The following GREP1 variants were observed in gnomAD, a reference collection of about 807,000 sequenced individuals.
GREP1 encodes the protein glycine rich extracellular protein 1, also known as glycine-rich extracellular protein 1.
intron 10 of GREP1, chr16:2,993,254 T>G: frequency 4.1e-6 from 1 of 243,996 alleles, no homozygotes; most frequent in African/African-American, 2.2e-5. Flanking sequence ...TCCCCTTCTC[T>G]TCCCAGGCCT....
At chr16:2,988,516 T>C in intron 1 of GREP1, 74 bp from the exon 2 acceptor site, 1 of 399,218 alleles carries the variant, frequency 2.5e-6, no homozygotes, top group Non-Finnish European at 4.4e-6. Flanking sequence ...GGCTGGAGGA[T>C]AGATGCCTGG....
intron 22 of GREP1, 145 bp from the exon 21 acceptor site, chr16:2,997,658 C>G (rs2072433351): frequency 2.5e-6 from 1 of 397,850 alleles, no homozygotes; most frequent in African/African-American, 2.1e-5. Context: ...CCCATGCCGC[C>G]CCCACAGACC....
exon 27 of GREP1, chr16:2,999,290 T>C: frequency 2.5e-6 from 1 of 398,650 alleles, no homozygotes; most frequent in South Asian, 1.3e-4. Flanking sequence ...GACTGAAACC[T>C]CAGAAAGCAG....
rs1360191483 is a variant in GREP1, at chr16:2,991,943, G to C, written c.322+842G>C. On this transcript the variant is annotated intron_variant, in intron 8 of 34. Transcript: ENST00000573315. This position sits in a 1 kb window ranked among gnomAD's most constrained non-coding sequence, Gnocchi z 4.9. ...CCTGGGCTTGGGTCTGGGGGCTCCA[G>C]GGAGCTGCAGCCTCCTTTACCTGGT... The C allele has an allele frequency of 6.6e-6, 1 of 152,492 alleles. No individual in the cohort carries two copies. The highest frequency in any genetic ancestry group is 2.1e-4 in the South Asian group (1 of 4,844). The allele number at this position is 152,492 out of a possible 1,614,324, so 9.4% of individuals were successfully genotyped here.
At chr16:2,988,325 T>C in exon 1 of GREP1, 2 of 399,312 alleles carry the variant, frequency 5.0e-6, no homozygotes, top group Non-Finnish European at 8.8e-6. Flanking sequence ...CTGCCTGACT[T>C]CCGAGAGCCT....
At chr16:2,999,506 A>G (rs1487966201) in intron 27 of GREP1, among the ~76,000 whole-genome samples, 5 of 80,762 alleles carry the variant, frequency 6.2e-5, no homozygotes, top group Admixed American at 1.7e-4. Context: ...TTTTTTTTTG[A>G]GACAGTCTCG....
At chr16:2,999,909 G>C (rs777946223) in exon 28 of GREP1, 22 of 399,124 alleles carry the variant, frequency 5.5e-5, no homozygotes, top group Middle Eastern at 6.3e-4. Context: ...CAGGGCACCA[G>C]CCTCCAAATG....
rs557078565 is a variant in GREP1 at position 3,000,952 on chromosome 16, T to C, written c.1531+125T>C. The C allele has an allele frequency of 4.1e-4, 164 of 395,504 alleles. 2 individuals carry two copies. Among genetic ancestry groups the C allele is most frequent in the Admixed American group, 5.8e-4 (13 of 22,518 alleles). The allele number at this position is 395,504 out of a possible 1,614,324, so 24.5% of individuals were successfully genotyped here. On this transcript the variant is annotated intron_variant, in intron 33 of 34. Coordinates refer to ENST00000573315, the Ensembl canonical transcript of GREP1. The stretch of plus-strand genomic sequence containing the variant: ...GGTACAGCCCTCTTGGCGGAGGGGA[T>C]GGAGTGAGTGAGAAGAGGCCAGGAG...
At position 2,989,456 on chromosome 16, in the gene GREP1, G is replaced by A; in HGVS notation, c.101-67G>A. 2 of 399,192 alleles carry A rather than the reference G, an allele frequency of 5.0e-6. No homozygotes were observed. Among genetic ancestry groups the A allele is most frequent in the East Asian group, 7.1e-5 (2 of 28,082 alleles). 24.7% of individuals were successfully genotyped at this position (399,192 alleles called of 1,614,324 possible). ...GGTAAAGCTGGTGGCGGGGTGCTTG[G>A]GGAGGGTGGCACACCGGCTCCCAGC... On this transcript the variant is annotated intron_variant, in intron 2 of 34. Coordinates refer to ENST00000573315, the Ensembl canonical transcript of GREP1. The surrounding 1 kb of genome is among the most constrained non-coding windows in gnomAD (Gnocchi z 4.2).
rs2072397333 is a variant in GREP1, at chr16:2,991,153, A to AGGGGC, written c.322+53_322+57dup. ...CCTGGGCTTCCAGGAGGGAGGGGGA[A>AGGGGC]GGGGCAGAGCAGAGTCAGGGCACCA... On this transcript the variant is annotated intron_variant, in intron 8 of 34. Transcript: ENST00000573315. The surrounding 1 kb of genome is among the most constrained non-coding windows in gnomAD (Gnocchi z 4.9). 6 of 398,956 alleles carry AGGGGC rather than the reference A, an allele frequency of 1.5e-5. No individual in the cohort carries two copies. The East Asian group carries it at 2.1e-4, about 14-fold the overall frequency. 24.7% of individuals were successfully genotyped at this position (398,956 alleles called of 1,614,324 possible).
At position 2,990,007 on chromosome 16, in the gene GREP1, G is replaced by C. The variant is rs535650131; in HGVS notation, c.163+1G>C. 1 of 399,502 alleles carries C rather than the reference G, an allele frequency of 2.5e-6. No homozygotes were observed. Among genetic ancestry groups the C allele is most frequent in the African/African-American group, 2.1e-5 (1 of 48,576 alleles). 24.7% of individuals were successfully genotyped at this position (399,502 alleles called of 1,614,324 possible). A position where few individuals can be genotyped will look rare whatever the true frequency, so the allele number is the denominator to read the frequency against. ...GGGGGCGTGAAGCCACAGAAGCCAGGTGAGCCCTGCCCCGGCCCCAGCTCT... is the reference window on the plus strand; with the variant it reads ...GGGGGCGTGAAGCCACAGAAGCCAGCTGAGCCCTGCCCCGGCCCCAGCTCT... On this transcript the variant is annotated splice_donor_variant, in intron 4 of 34. Coordinates refer to ENST00000573315, the Ensembl canonical transcript of GREP1. LOFTEE classifies it high-confidence loss of function.
intron 33 of GREP1, 52 bp downstream of exon 27, chr16:3,000,879 G>T: frequency 2.5e-6 from 1 of 398,600 alleles, no homozygotes; most frequent in South Asian, 1.4e-4. Flanking sequence ...TGGCTTCAGG[G>T]AACTGGGCCC....
Position 2,991,033 on chromosome 16 carries a change from G to C in GREP1, c.269-15G>C. ...CATTCCCCCTCCTCATGTCCCTCTG[G>C]CTCTGTCTCCCCAGGATATGGAAAC... On this transcript the variant is annotated splice_polypyrimidine_tract_variant and intron_variant, in intron 7 of 34. Coordinates refer to ENST00000573315, the Ensembl canonical transcript of GREP1. This position sits in a 1 kb window ranked among gnomAD's most constrained non-coding sequence, Gnocchi z 4.9. 2.5e-6 allele frequency: 1 copy of C among 399,228 alleles called. No homozygotes were observed. Among genetic ancestry groups the C allele is most frequent in the Non-Finnish European group, 4.4e-6 (1 of 226,214 alleles). 24.7% of individuals were successfully genotyped at this position (399,228 alleles called of 1,614,324 possible).
At position 2,990,013 on chromosome 16, in the gene GREP1, C is replaced by T; in HGVS notation, c.163+7C>T. 1 of 399,550 alleles carries T rather than the reference C, an allele frequency of 2.5e-6. No homozygotes were observed. Among genetic ancestry groups the T allele is most frequent in the Non-Finnish European group, 4.4e-6 (1 of 226,570 alleles). 24.8% of individuals were successfully genotyped at this position (399,550 alleles called of 1,614,324 possible). The stretch of plus-strand genomic sequence containing the variant: ...GTGAAGCCACAGAAGCCAGGTGAGC[C>T]CTGCCCCGGCCCCAGCTCTTTGTCT... On this transcript the variant is annotated splice_region_variant and intron_variant, in intron 4 of 34. Transcript: ENST00000573315.
At chr16:2,996,961 C>G (rs539881801) in exon 21 of GREP1, 1 of 399,130 alleles carries the variant, frequency 2.5e-6, no homozygotes, top group Admixed American at 4.4e-5. Flanking sequence ...GAGCTCCAAA[C>G]GGCTATGGAC....
chr16:3,001,842 A>C (rs540672179), exon 35 of GREP1: 1 of 390,818 alleles, frequency 2.6e-6, no homozygotes, highest in East Asian at 3.6e-5. Context: ...AACAGGAGAA[A>C]TCATGAGAAG....
At position 2,990,566 on chromosome 16, in the gene GREP1, G is replaced by A. The variant is rs1389374727; in HGVS notation, c.247G>A (p.Ala83Thr). The change falls in exon 7 of 35, where the codon GCA (alanine) becomes ACA (threonine). Residue 83 changes from alanine to threonine, a missense_variant. Ala to Thr is a moderately conservative substitution (Grantham distance 58). Coordinates refer to ENST00000573315, the Ensembl canonical transcript of GREP1. ...TCTCGCCCCAGGGTTCAGGACCTTC[G>A]CAGGTGCTGCAGCCCAGCCAGGTGA... is the stretch of plus-strand genomic sequence containing the variant. 9.5e-5 allele frequency: 38 copies of A among 399,086 alleles called. 1 individual carries two copies. In the Admixed American group the frequency reaches 1.6e-3, roughly 17 times the overall value. 24.7% of individuals were successfully genotyped at this position (399,086 alleles called of 1,614,324 possible).
chr16:2,995,691 TG>T (rs1168515799), intron 16 of GREP1, 37 bp downstream of exon 16: 1 of 398,466 alleles, frequency 2.5e-6, no homozygotes, highest in Non-Finnish European at 4.4e-6. Context: ...GGGGAGAATG[TG>T]GGTGGGGCCC....
chr16:2,988,901 C>T (rs1462901302), intron 2 of GREP1: 17 of 374,692 alleles, frequency 4.5e-5, no homozygotes, highest in Middle Eastern at 6.5e-4. Context: ...GCGGACCCAC[C>T]GGCAGGCCAA....
Sources: allele counts gnomAD v4.1 joint callset (sites outside exome capture counted in the v4.1 genomes callset), GRCh38; gene constraint gnomAD v4.1.1; non-coding constraint Gnocchi (gnomAD v3.1); transcripts MANE v1.5; gene names NCBI Gene and HGNC (gene_info 2026-07-23, HGNC 2026-07-21).